RARB: variants seen among roughly 807,000 people sequenced by gnomAD.
RARB encodes the protein HBV-activated protein.
A neutral mutation model predicts 51.9 loss-of-function variants in RARB; 17 were observed. The ratio of observed to expected loss-of-function variants is 0.33; its 90% CI spans 0.22 to 0.49. The LOEUF (loss-of-function observed/expected upper bound fraction) is 0.49, where lower values mean the gene tolerates loss of function less well. Ranked by LOEUF, RARB falls within the 20% of genes least tolerant of loss-of-function variation. RARB has a pLI of 0.99. For missense variants in RARB, 369 were observed against 550.8 expected (o/e 0.67, Z 3.30); for synonymous variants, 215 against 195.4 (o/e 1.10, Z -0.84).
intron 5 of RARB, among the ~76,000 whole-genome samples, chr3:25,205,069 C>G (rs926083166): frequency 5.9e-5 from 9 of 152,156 alleles, no homozygotes; most frequent in Non-Finnish European, 8.8e-5. Flanking sequence ...GTGGTGGGCT[C>G]TACCCGGTTC....
chr3:25,050,748 C>G (rs1698316735), intron 2 of RARB, among the ~76,000 whole-genome samples: 2 of 152,108 alleles, frequency 1.3e-5, no homozygotes, highest in African/African-American at 4.8e-5. Context: ...CTCATTCTTC[C>G]TCCCCCATTC....
intron 5 of RARB, among the ~76,000 whole-genome samples, chr3:25,240,457 T>C (rs1220314049): frequency 2.0e-5 from 3 of 152,182 alleles, no homozygotes; most frequent in Non-Finnish European, 2.9e-5. Flanking sequence ...TAATGTTAAC[T>C]ATGTGTTTGT....
At chr3:25,417,290 C>A (rs1455848847) in intron 5 of RARB, among the ~76,000 whole-genome samples, 1 of 151,808 alleles carries the variant, frequency 6.6e-6, no homozygotes, top group Non-Finnish European at 1.5e-5. Flanking sequence ...TTCCCTGCCA[C>A]TGACCAGTCC....
intron 2 of RARB, among the ~76,000 whole-genome samples, chr3:24,964,544 C>G (rs1186653726): frequency 6.6e-6 from 1 of 152,112 alleles, no homozygotes; most frequent in Non-Finnish European, 1.5e-5. Context: ...TGAAAGCACA[C>G]CCACGATTGA....
intron 3 of RARB, among the ~76,000 whole-genome samples, chr3:25,553,711 CTT>C (rs747593882): frequency 3.3e-5 from 5 of 152,150 alleles, no homozygotes; most frequent in African/African-American, 4.8e-5. Context: ...GTCACTGGGT[CTT>C]CGCTGCAACC....
intron 3 of RARB, among the ~76,000 whole-genome samples, chr3:25,557,341 G>A (rs1385181639): frequency 1.3e-5 from 2 of 152,234 alleles, no homozygotes; most frequent in Admixed American, 6.5e-5. Context: ...ACAAAACCCG[G>A]AGGGACTAAG....
intron 3 of RARB, among the ~76,000 whole-genome samples, chr3:25,537,238 A>G (rs1699178033): frequency 6.6e-6 from 1 of 152,210 alleles, no homozygotes; most frequent in Non-Finnish European, 1.5e-5. Context: ...GCGGCTGACA[A>G]CAAGAAGCAT....
At chr3:25,414,022 C>T (rs1480660268) in intron 5 of RARB, among the ~76,000 whole-genome samples, 1 of 151,992 alleles carries the variant, frequency 6.6e-6, no homozygotes, top group African/African-American at 2.4e-5. Context: ...ACCACCACCA[C>T]CCAGAAGTTT....
intron 4 of RARB, among the ~76,000 whole-genome samples, chr3:25,163,504 A>AAAAAAAAAAAAAAAAAAATATATAT (rs1303712411): frequency 2.3e-5 from 3 of 131,092 alleles, no homozygotes; most frequent in African/African-American, 9.6e-5. Flanking sequence ...CCTATCTCAA[A>AAAAAAAAAAAAAAAAAAATATATAT]ATATATATAT....
intron 2 of RARB, among the ~76,000 whole-genome samples, chr3:25,494,831 G>A (rs1696943366): frequency 6.6e-6 from 1 of 152,176 alleles, no homozygotes; most frequent in Non-Finnish European, 1.5e-5. Flanking sequence ...CATAGAATGT[G>A]TATGGGAAAT....
chr3:24,874,511 G>T (rs1038311521), intron 2 of RARB, among the ~76,000 whole-genome samples: 2 of 151,964 alleles, frequency 1.3e-5, no homozygotes, highest in Admixed American at 1.3e-4. Context: ...CGTACAGCTT[G>T]TTTTATCTTC....
At chr3:25,236,460 C>T (rs528532522) in intron 5 of RARB, among the ~76,000 whole-genome samples, 2 of 152,074 alleles carry the variant, frequency 1.3e-5, no homozygotes, top group East Asian at 3.9e-4. Context: ...TCTAAAATGT[C>T]CTGAATTTTT....
At chr3:25,462,495 A>G (rs971274787) in intron 2 of RARB, 1 of 152,222 alleles carries the variant, frequency 6.6e-6, no homozygotes, top group African/African-American at 2.4e-5. Flanking sequence ...GTAATTGTTA[A>G]CATGTTGGAA....
At chr3:25,007,664 T>C (rs1258890673) in intron 2 of RARB, among the ~76,000 whole-genome samples, 1 of 148,896 alleles carries the variant, frequency 6.7e-6, no homozygotes, top group Non-Finnish European at 1.5e-5. Flanking sequence ...CAAAAAAGAA[T>C]ACTTTCAAAA....
At chr3:25,014,178 T>G (rs1379274052) in intron 2 of RARB, among the ~76,000 whole-genome samples, 2 of 152,110 alleles carry the variant, frequency 1.3e-5, no homozygotes, top group African/African-American at 4.8e-5. Context: ...GTTCTTCACT[T>G]TCGCATGCCT....
At chr3:25,174,600 C>CT (rs1559492468) in intron 5 of RARB, 3 of 1,351,242 alleles carry the variant, frequency 2.2e-6, no homozygotes, top group Non-Finnish European at 2.9e-6. Flanking sequence ...AATTTGCTCT[C>CT]TTTTCTCTGG....
Position 25,102,172 on chromosome 3 carries a change from C to T in RARB, c.-327-29989C>T, listed in dbSNP as rs576087572. On this transcript the variant is annotated intron_variant, in intron 3 of 11. Coordinates refer to the RARB transcript ENST00000383772. ...ACGTTAGCATTTCTGCAGCAAAATG[C>T]GTGAATGTCCCCACAAAATAGTCTA... Among the ~76,000 whole-genome samples, 6 of 152,218 alleles carry T rather than the reference C, an allele frequency of 3.9e-5. No homozygotes were observed. The East Asian group carries it at 5.8e-4, about 15-fold the overall frequency.
chr3:24,902,721 A>T (rs752239639), intron 2 of RARB, among the ~76,000 whole-genome samples: 2 of 152,150 alleles, frequency 1.3e-5, no homozygotes, highest in Non-Finnish European at 2.9e-5. Context: ...GCTCACTGAC[A>T]TGTTTTGAAA....
At chr3:25,412,709 C>G (rs1707594458) in intron 5 of RARB, among the ~76,000 whole-genome samples, 1 of 152,124 alleles carries the variant, frequency 6.6e-6, no homozygotes, top group South Asian at 2.1e-4. Flanking sequence ...TTAACCAGCA[C>G]TCAGATCGAG....
Sources: allele counts gnomAD v4.1 joint callset (sites outside exome capture counted in the v4.1 genomes callset), GRCh38; gene constraint gnomAD v4.1.1; transcripts MANE v1.5; gene names NCBI Gene and HGNC (gene_info 2026-07-23, HGNC 2026-07-21).